SNX29: variants seen among roughly 807,000 people sequenced by gnomAD.
The protein encoded by SNX29 is sorting nexin-29.
A neutral mutation model predicts 102.1 loss-of-function variants in SNX29; 78 were observed. That is an observed-to-expected ratio of 0.76 (90% CI 0.64 to 0.92). The LOEUF (loss-of-function observed/expected upper bound fraction) is 0.92. SNX29 is among the 40% of genes least tolerant of loss of function. The pLI is 0.00. For synonymous variants in SNX29, 580 were observed against 414.5 expected, an observed-to-expected ratio of 1.40 and a Z score of -4.85; for missense variants, 1,280 against 1,061.7, an observed-to-expected ratio of 1.21 and a Z score of -2.86.
chr16:12,108,179 G>A (rs1010179617), intron 11 of SNX29, among the ~76,000 whole-genome samples: 2 of 152,222 alleles, frequency 1.3e-5, no homozygotes, highest in Non-Finnish European at 1.5e-5. Context: ...CCTCCCAGTG[G>A]TAGAGGAAGT....
chr16:11,988,293 CAAA>C (rs35258709), intron 1 of SNX29, among the ~76,000 whole-genome samples: 11 of 129,268 alleles, frequency 8.5e-5, no homozygotes, highest in Non-Finnish European at 7.9e-5. Flanking sequence ...GACTCCATCT[CAAA>C]AAAAAAAAAA....
chr16:12,045,744 C>T lies in SNX29; in HGVS notation c.429-640C>T, dbSNP rs1348604190. ...GTTCAAGCGATTCTCCTGCCTCAGC[C>T]TCCCGAGTAGCTGGGATTACAAGCG... On this transcript the variant is annotated intron_variant, in intron 5 of 20. Coordinates refer to ENST00000566228, the MANE Select transcript of SNX29 (RefSeq NM_032167.5). Among the ~76,000 whole-genome samples, 4 of 151,878 alleles carry T rather than the reference C, an allele frequency of 2.6e-5. No homozygotes were observed. In the East Asian group the frequency reaches 7.7e-4, roughly 29 times the overall value.
intron 20 of SNX29, among the ~76,000 whole-genome samples, chr16:12,561,502 A>T (rs375708418): frequency 6.6e-6 from 1 of 152,202 alleles, no homozygotes; most frequent in East Asian, 1.9e-4. Context: ...GACCCAGATC[A>T]CAGGTGAAAC....
chr16:11,983,613 C>T, intron 1 of SNX29: 1 of 982,754 alleles, frequency 1.0e-6, no homozygotes, highest in Non-Finnish European at 1.2e-6. Flanking sequence ...ACATGTTCTA[C>T]CATCAGCAAA....
chr16:12,471,328 G>A (rs142399516), intron 18 of SNX29, among the ~76,000 whole-genome samples: 3,867 of 152,276 alleles, frequency 0.025, 73 homozygotes, highest in Non-Finnish European at 0.035. Context: ...GTTTTAGTAC[G>A]TGTACAAAAT....
intron 15 of SNX29, among the ~76,000 whole-genome samples, chr16:12,346,472 T>G (rs2081809525): frequency 6.6e-6 from 1 of 152,158 alleles, no homozygotes; most frequent in African/African-American, 2.4e-5. Flanking sequence ...GGAGGTAAGT[T>G]GCCCAAAGTC....
chr16:12,563,188 C>T (rs1369694930), intron 20 of SNX29, among the ~76,000 whole-genome samples: 3 of 98,994 alleles, frequency 3.0e-5, no homozygotes, highest in Non-Finnish European at 4.1e-5. Flanking sequence ...TGTCACTTCC[C>T]ACAGTCAACA....
intron 13 of SNX29, among the ~76,000 whole-genome samples, chr16:12,154,618 C>T (rs1391509416): frequency 6.6e-6 from 1 of 152,164 alleles, no homozygotes; most frequent in East Asian, 1.9e-4. Context: ...CCGGCAGGTG[C>T]CTTAGTCCAT....
intron 11 of SNX29, among the ~76,000 whole-genome samples, chr16:12,086,237 C>G (rs566602130): frequency 2.0e-5 from 3 of 152,082 alleles, no homozygotes; most frequent in African/African-American, 7.2e-5. Context: ...ATCTCCTTTC[C>G]TTGTGATCTG....
chr16:12,527,130 C>A (rs920514154), intron 20 of SNX29: 1 of 494,032 alleles, frequency 2.0e-6, no homozygotes. Context: ...CTCACTGTTC[C>A]AAATCCCACA....
chr16:12,489,587 G>T (rs114243461), intron 19 of SNX29, among the ~76,000 whole-genome samples: 1 of 152,196 alleles, frequency 6.6e-6, no homozygotes, highest in Admixed American at 6.5e-5. Context: ...GTGGTGAAGA[G>T]TGAACAAGCT....
chr16:12,292,712 G>A (rs1171243645), intron 15 of SNX29, among the ~76,000 whole-genome samples: 1 of 152,176 alleles, frequency 6.6e-6, no homozygotes, highest in East Asian at 1.9e-4. Context: ...AACATCCCCC[G>A]ATATGTAATA....
chr16:12,468,535 G>C (rs76917009), intron 18 of SNX29, among the ~76,000 whole-genome samples: 2 of 152,172 alleles, frequency 1.3e-5, no homozygotes, highest in African/African-American at 4.8e-5. Context: ...CAGGCGTGGT[G>C]CCCCTGGCAG....
chr16:12,252,750 G>A (rs2078458412), intron 14 of SNX29, among the ~76,000 whole-genome samples: 1 of 152,168 alleles, frequency 6.6e-6, no homozygotes, highest in African/African-American at 2.4e-5. Context: ...ACACCCCTAA[G>A]AGGCAGCCGC....
At chr16:12,403,157 A>C (rs2084015241) in intron 17 of SNX29, among the ~76,000 whole-genome samples, 1 of 151,126 alleles carries the variant, frequency 6.6e-6, no homozygotes, top group Non-Finnish European at 1.5e-5. Context: ...CTCCATAAGA[A>C]CTGAAGGGAG....
intron 1 of SNX29, chr16:11,983,822 C>T (rs1451082706): frequency 2.1e-6 from 1 of 479,814 alleles, no homozygotes; most frequent in Non-Finnish European, 2.7e-6. Context: ...AGATAAAGCA[C>T]CTTCCATCTG....
intron 14 of SNX29, among the ~76,000 whole-genome samples, chr16:12,257,315 G>A (rs1377371682): frequency 6.6e-6 from 1 of 152,120 alleles, no homozygotes; most frequent in African/African-American, 2.4e-5. Flanking sequence ...TTCGACTGGA[G>A]GGCATTCTCT....
chr16:12,075,255 T>A (rs559624837), intron 10 of SNX29, among the ~76,000 whole-genome samples: 1 of 152,226 alleles, frequency 6.6e-6, no homozygotes, highest in African/African-American at 2.4e-5. Context: ...TTTTAGAGTT[T>A]GCAGTTTTTC....
intron 15 of SNX29, among the ~76,000 whole-genome samples, chr16:12,325,616 T>C (rs1046504773): frequency 6.6e-6 from 1 of 152,204 alleles, no homozygotes; most frequent in Non-Finnish European, 1.5e-5. Context: ...GGAAGCACTT[T>C]GCTGGTTCTT....
Sources: allele counts gnomAD v4.1 joint callset (sites outside exome capture counted in the v4.1 genomes callset), GRCh38; gene constraint gnomAD v4.1.1; transcripts MANE v1.5; gene names NCBI Gene and HGNC (gene_info 2026-07-23, HGNC 2026-07-21).